The following ELL2 variants were observed in gnomAD, a reference collection of about 807,000 sequenced individuals.
The protein encoded by ELL2 is RNA polymerase II elongation factor ELL2.
Under a neutral mutation model 72.8 loss-of-function variants are expected in ELL2, and 21 were observed. The ratio of observed to expected loss-of-function variants is 0.29; its 90% CI spans 0.20 to 0.42. ELL2 has a LOEUF of 0.42. Among genes scored for constraint, ELL2 ranks in the 10% least tolerant of loss-of-function variants. ELL2 has a pLI of 1.00. For missense variants in ELL2, 568 were observed against 772.8 expected (o/e 0.73, Z 3.14); for synonymous variants, 266 against 283.2 (o/e 0.94, Z 0.61).
At chr5:95,951,920 T>C (rs577072369) in intron 1 of ELL2, among the ~76,000 whole-genome samples, 1 of 152,120 alleles carries the variant, frequency 6.6e-6, no homozygotes, top group Non-Finnish European at 1.5e-5. Flanking sequence ...AAATCAAGGG[T>C]TGCTAGTCAA....
chr5:95,916,557 A>G (rs1385262833), intron 3 of ELL2, among the ~76,000 whole-genome samples: 1 of 152,190 alleles, frequency 6.6e-6, no homozygotes, highest in Non-Finnish European at 1.5e-5. Flanking sequence ...GTCCAGAATA[A>G]TAAGGAACCA....
rs114921201 is a variant in ELL2 at position 95,896,506 on chromosome 5, C to T, written c.1526-815G>A. ...TAAAAGTGAATGTTAGGTAATTTCT[C>T]GGTTTAATATTTTAAAGGACAAAGT... On this transcript the variant is annotated intron_variant, in intron 8 of 11. Coordinates refer to ENST00000237853, the MANE Select transcript of ELL2 (RefSeq NM_012081.6). 5.9e-3 allele frequency among the ~76,000 whole-genome samples: 893 copies of T among 152,204 alleles called. 9 individuals carry two copies. Among genetic ancestry groups the T allele is most frequent in the African/African-American group, 0.02 (848 of 41,508 alleles).
intron 9 of ELL2, among the ~76,000 whole-genome samples, chr5:95,895,169 T>C (rs996018850): frequency 6.6e-6 from 1 of 152,262 alleles, no homozygotes; most frequent in Non-Finnish European, 1.5e-5. Flanking sequence ...TTATCTCCTC[T>C]AAAAATTAAT....
chr5:95,935,168 A>G (rs72656689), intron 2 of ELL2, among the ~76,000 whole-genome samples: 43,722 of 151,808 alleles, frequency 0.29, 6,775 homozygotes, highest in African/African-American at 0.41. Flanking sequence ...TATAATATAC[A>G]TAAACCTACA....
rs146249322 is a variant in ELL2 at position 95,943,025 on chromosome 5, T to C, written c.172A>G (p.Ile58Val). The C allele has an allele frequency of 6.0e-3, 9,655 of 1,601,978 alleles. 41 individuals are homozygous for C. Among genetic ancestry groups the C allele is most frequent in the Non-Finnish European group, 7.6e-3 (8,978 of 1,173,734 alleles). The change falls in exon 2 of 12, where the codon ATC becomes GTC. Residue 58 changes from isoleucine to valine, a missense_variant. By Grantham distance (29) the Ile-to-Val change is conservative. Coordinates refer to ENST00000237853, the MANE Select transcript of ELL2 (RefSeq NM_012081.6). ...HKNLIPFRPS[I>V]QFQGLHGLVK... ...ACCCCGTGGAGTCCTTGGAACTGGA[T>C]TGAAGGTCGAAAAGGAATTAAATTC...
At position 95,913,892 on chromosome 5, in the gene ELL2, A is replaced by G. The variant is rs376711844; in HGVS notation, c.360T>C (p.Asp120=). The change falls in exon 4 of 12, where the codon GAT becomes GAC. Residue 120 remains aspartate (D), a synonymous_variant. Coordinates refer to ENST00000237853, the MANE Select transcript of ELL2 (RefSeq NM_012081.6). ...SQLNCLGFIQ[D]KITVCATNDS... is the part of the protein sequence containing the mutation. ...CGTTTGTTGCACACACTGTAATTTT[A>G]TCTTGTATAAATCCCAGGCAATTGA... The G allele has an allele frequency of 6.2e-7, 1 of 1,612,544 alleles. No individual in the cohort carries two copies.
intron 5 of ELL2, among the ~76,000 whole-genome samples, chr5:95,904,425 A>G (rs1384526842): frequency 6.6e-6 from 1 of 152,256 alleles, no homozygotes; most frequent in Non-Finnish European, 1.5e-5. Context: ...AAAAGGTTTT[A>G]TTAATACATA....
chr5:95,929,185 G>A (rs950153611), intron 2 of ELL2, among the ~76,000 whole-genome samples: 1 of 151,696 alleles, frequency 6.6e-6, no homozygotes, highest in Admixed American at 6.6e-5. Flanking sequence ...CATTGTATAT[G>A]CTAAGTACTC....
At chr5:95,950,137 A>T (rs1330658315) in intron 1 of ELL2, among the ~76,000 whole-genome samples, 2 of 152,230 alleles carry the variant, frequency 1.3e-5, no homozygotes, top group Non-Finnish European at 2.9e-5. Flanking sequence ...GAAGGAAAAT[A>T]CCAGACAATT....
intron 2 of ELL2, chr5:95,932,690 T>G (rs1292413467): frequency 6.6e-6 from 1 of 152,130 alleles, no homozygotes; most frequent in Non-Finnish European, 1.5e-5. Flanking sequence ...ACGTTTGCAA[T>G]GTTCTTTTAA....
At chr5:95,922,536 G>A (rs1750127537) in intron 2 of ELL2, among the ~76,000 whole-genome samples, 1 of 152,178 alleles carries the variant, frequency 6.6e-6, no homozygotes, top group Admixed American at 6.5e-5. Flanking sequence ...GTTACAGAAA[G>A]CTCTTAACAA....
Position 95,895,630 on chromosome 5 carries a change from C to A in ELL2, c.1587G>T (p.Leu529Phe). Residue 529 changes from leucine (L) to phenylalanine (F), a missense_variant and splice_region_variant, in exon 9 of 12, where the codon TTG (leucine) becomes TTT (phenylalanine). Physicochemically the swap from Leu to Phe is conservative, Grantham distance 22. Coordinates refer to ENST00000237853, the MANE Select transcript of ELL2 (RefSeq NM_012081.6). ...CATTGGCAGACATATGAACTTACAT[C>A]AAATAATCTGGGAGTTCAATTGCTG... ...EPSAIELPDY[L>F]IKYIAIVSYE... is the part of the protein sequence containing the mutation. 1 of 1,613,650 alleles carries A rather than the reference C, an allele frequency of 6.2e-7. No individual in the cohort carries two copies.
At chr5:95,943,435 T>C (rs146053917) in intron 1 of ELL2, among the ~76,000 whole-genome samples, 120 of 152,280 alleles carry the variant, frequency 7.9e-4, no homozygotes, top group African/African-American at 2.7e-3. Flanking sequence ...ACAAAATATA[T>C]TTTTTGGCAG....
chr5:95,917,755 T>TC (rs919120058), intron 3 of ELL2, among the ~76,000 whole-genome samples: 5 of 49,814 alleles, frequency 1.0e-4, no homozygotes, highest in Non-Finnish European at 1.3e-4. Flanking sequence ...CCTTAAATCC[T>TC]TTCCAAACAA....
chr5:95,893,001 G>C (rs920175673), intron 9 of ELL2, among the ~76,000 whole-genome samples: 2 of 152,144 alleles, frequency 1.3e-5, no homozygotes, highest in Non-Finnish European at 2.9e-5. Context: ...GGTTCCTGGG[G>C]ATAAGCATAT....
At chr5:95,922,313 T>C (rs574251234) in intron 2 of ELL2, among the ~76,000 whole-genome samples, 2 of 152,322 alleles carry the variant, frequency 1.3e-5, no homozygotes, top group South Asian at 4.1e-4. Context: ...CTGCTGGCCT[T>C]GGCCTCCCAA....
chr5:95,905,155 C>T (rs1026566410), intron 5 of ELL2, among the ~76,000 whole-genome samples: 10 of 151,998 alleles, frequency 6.6e-5, no homozygotes, highest in African/African-American at 2.4e-4. Context: ...TGAGATGATG[C>T]TCTAGATTCT....
At chr5:95,922,396 T>C (rs1054477600) in intron 2 of ELL2, among the ~76,000 whole-genome samples, 1 of 152,174 alleles carries the variant, frequency 6.6e-6, no homozygotes, top group Non-Finnish European at 1.5e-5. Flanking sequence ...ATTGTACAGT[T>C]TTTTTCCCCC....
chr5:95,916,409 AAAG>A (rs1233709104), intron 3 of ELL2, among the ~76,000 whole-genome samples: 2 of 152,160 alleles, frequency 1.3e-5, no homozygotes, highest in African/African-American at 4.8e-5. Context: ...AAAAGGAAGA[AAAG>A]AAGACCACAT....
Sources: gnomAD v4.1 joint callset for allele counts (sites outside exome capture counted in the v4.1 genomes callset) on GRCh38, gnomAD v4.1.1 for gene constraint, MANE v1.5 for transcripts, NCBI Gene and HGNC (gene_info 2026-07-23, HGNC 2026-07-21) for gene names.